Variants in SATB2 observed in about 807,000 individuals in gnomAD.
SATB2 encodes the protein DNA-binding protein SATB2.
Under a neutral mutation model 73.4 loss-of-function variants are expected in SATB2, and 1 was observed. The observed-to-expected ratio is 0.01, with a 90% CI of 0.00 to 0.06. The LOEUF (loss-of-function observed/expected upper bound fraction) is 0.06, where lower values mean the gene tolerates loss of function less well. Ranked by LOEUF, SATB2 falls within the 10% of genes least tolerant of loss-of-function variation. The pLI, the probability that SATB2 is intolerant of heterozygous loss-of-function variation, is 1.00. For synonymous variants in SATB2, 397 were observed against 367.0 expected (o/e 1.08, Z -0.93); for missense variants, 459 against 945.8 (o/e 0.49, Z 6.75).
chr2:199,427,256 T>A (rs1395443822), intron 3 of SATB2, among the ~76,000 whole-genome samples: 1 of 152,120 alleles, frequency 6.6e-6, no homozygotes, highest in Non-Finnish European at 1.5e-5. Flanking sequence ...CAAACAAAAA[T>A]TCTGAATTAA....
At chr2:199,372,583 A>G (rs1689481897) in intron 5 of SATB2, among the ~76,000 whole-genome samples, 1 of 152,178 alleles carries the variant, frequency 6.6e-6, no homozygotes, top group Non-Finnish European at 1.5e-5. Flanking sequence ...CCCAAAGTCA[A>G]ATAGCACTGG....
intron 10 of SATB2, among the ~76,000 whole-genome samples, chr2:199,278,002 A>AG (rs1692368448): frequency 6.6e-6 from 1 of 152,226 alleles, no homozygotes; most frequent in Non-Finnish European, 1.5e-5. Flanking sequence ...TAAAATATAG[A>AG]GAAAAATTGA....
chr2:199,379,103 T>C (rs1405770080), intron 5 of SATB2, among the ~76,000 whole-genome samples: 2 of 152,196 alleles, frequency 1.3e-5, no homozygotes, highest in Admixed American at 1.3e-4. Context: ...CTTTAGATGA[T>C]TTGTCAACCT....
upstream of SATB2, among the ~76,000 whole-genome samples, chr2:199,460,723 G>T (rs1190691271): frequency 6.6e-6 from 1 of 152,142 alleles, no homozygotes; most frequent in Non-Finnish European, 1.5e-5. This position sits in a 1 kb window ranked among gnomAD's most constrained non-coding sequence, Gnocchi z 4.0. Context: ...ACAGGCTTGT[G>T]TCAACAGCAT....
chr2:199,435,215 G>A (rs1691616563), intron 2 of SATB2, among the ~76,000 whole-genome samples: 2 of 152,110 alleles, frequency 1.3e-5, no homozygotes, highest in South Asian at 2.1e-4. Flanking sequence ...AGAAGATTTA[G>A]GACAGCTACA....
chr2:199,288,820 C>T (rs1463587403), intron 10 of SATB2, among the ~76,000 whole-genome samples: 1 of 152,078 alleles, frequency 6.6e-6, no homozygotes, highest in Non-Finnish European at 1.5e-5. Context: ...GTTTATTATA[C>T]CCAGAAGTCC....
chr2:199,447,455 T>G (rs1691998051), intron 2 of SATB2, among the ~76,000 whole-genome samples: 1 of 152,186 alleles, frequency 6.6e-6, no homozygotes, highest in Admixed American at 6.5e-5. Context: ...CCCTTCAGCC[T>G]AGTTTGGACT....
upstream of SATB2, among the ~76,000 whole-genome samples, chr2:199,465,857 G>C (rs987237704): frequency 6.6e-6 from 1 of 152,188 alleles, no homozygotes; most frequent in African/African-American, 2.4e-5. Flanking sequence ...TTCTGAATCA[G>C]ATTATTGTTA....
chr2:199,399,556 GTAATCTA>G (rs1461162679), intron 3 of SATB2, among the ~76,000 whole-genome samples: 1 of 152,142 alleles, frequency 6.6e-6, no homozygotes, highest in East Asian at 1.9e-4. Context: ...CTGAGACTGG[GTAATCTA>G]TAAAGAAAAA....
intron 3 of SATB2, among the ~76,000 whole-genome samples, chr2:199,418,773 GC>G (rs1470994726): frequency 6.6e-6 from 1 of 152,106 alleles, no homozygotes; most frequent in Non-Finnish European, 1.5e-5. Flanking sequence ...ATAGAATAAT[GC>G]CCCCTGTGTG....
chr2:199,319,778 A>AG (rs1428276226), intron 9 of SATB2, among the ~76,000 whole-genome samples: 5 of 152,178 alleles, frequency 3.3e-5, no homozygotes, highest in African/African-American at 1.2e-4. Flanking sequence ...AAAAAAAAAA[A>AG]GTCAGATGAT....
intron 7 of SATB2, chr2:199,347,818 T>A (rs1227909545): frequency 6.6e-6 from 1 of 152,218 alleles, no homozygotes; most frequent in Non-Finnish European, 1.5e-5. Context: ...ATTATGCACA[T>A]CTGCTTTGTT....
chr2:199,348,575 TATTA>T (rs1383984591), intron 7 of SATB2, 122 bp downstream of exon 7: 2 of 771,222 alleles, frequency 2.6e-6, no homozygotes, highest in Non-Finnish European at 4.4e-6. Context: ...AACTAAGGAT[TATTA>T]ATTAATCTAA....
chr2:199,299,062 C>A (rs528830834), intron 10 of SATB2, among the ~76,000 whole-genome samples: 1 of 152,090 alleles, frequency 6.6e-6, no homozygotes, highest in Non-Finnish European at 1.5e-5. Flanking sequence ...CATGTACTAA[C>A]GATGAATTAG....
chr2:199,435,831 C>T (rs1691637033), intron 2 of SATB2, among the ~76,000 whole-genome samples: 2 of 152,170 alleles, frequency 1.3e-5, no homozygotes, highest in South Asian at 4.1e-4. Flanking sequence ...TTATAGGACT[C>T]ATTCATGAGA....
At chr2:199,387,329 C>A (rs1243740876) in intron 3 of SATB2, among the ~76,000 whole-genome samples, 23 of 152,142 alleles carry the variant, frequency 1.5e-4, no homozygotes, top group Admixed American at 1.5e-3. Flanking sequence ...GGCCAGAGCA[C>A]GTCCACAGTC....
intron 7 of SATB2, among the ~76,000 whole-genome samples, chr2:199,342,582 C>T (rs1302494421): frequency 6.6e-6 from 1 of 152,144 alleles, no homozygotes; most frequent in Non-Finnish European, 1.5e-5. Context: ...GATCCCATAT[C>T]CTGGCATTGC....
At chr2:199,290,435 A>C (rs949984605) in intron 10 of SATB2, among the ~76,000 whole-genome samples, 2 of 152,244 alleles carry the variant, frequency 1.3e-5, no homozygotes, top group Non-Finnish European at 2.9e-5. Context: ...ACGTCTACAC[A>C]GGCAATAGCC....
chr2:199,361,245 T>C (rs917340066), intron 6 of SATB2, among the ~76,000 whole-genome samples: 4 of 152,096 alleles, frequency 2.6e-5, no homozygotes, highest in Non-Finnish European at 5.9e-5. Context: ...GGTATTGTCT[T>C]ATTTCTGTCA....
Sources: gnomAD v4.1 joint callset for allele counts (sites outside exome capture counted in the v4.1 genomes callset) on GRCh38, gnomAD v4.1.1 for gene constraint, Gnocchi (gnomAD v3.1) non-coding constraint, MANE v1.5 for transcripts, NCBI Gene and HGNC (gene_info 2026-07-23, HGNC 2026-07-21) for gene names.